Variants in ZRANB3 observed in about 807,000 individuals in gnomAD.
ZRANB3 encodes zinc finger RANBP2-type containing 3.
In ZRANB3, 125 loss-of-function variants were observed where a neutral mutation model predicts 133.8. That is an observed-to-expected ratio of 0.93 (90% confidence interval 0.81 to 1.08). ZRANB3 has a LOEUF of 1.08. Ranked by LOEUF, ZRANB3 falls within the 50% of genes least tolerant of loss-of-function variation. The probability of loss-of-function intolerance (pLI) is 0.00; values close to 1 mark genes in which losing one functional copy is unlikely to be tolerated. For synonymous variants in ZRANB3, 387 were observed against 432.7 expected, an observed-to-expected ratio of 0.89 and a Z score of 1.31; for missense variants, 1,229 against 1,275.5, an observed-to-expected ratio of 0.96 and a Z score of 0.56.
chr2:135,498,759 G>T (rs1267537264), intron 2 of ZRANB3, among the ~76,000 whole-genome samples: 1 of 152,112 alleles, frequency 6.6e-6, no homozygotes, highest in Non-Finnish European at 1.5e-5. Context: ...TGGCCGCTTT[G>T]GGAACATCTA....
At chr2:135,488,284 C>T (rs898506398) in intron 2 of ZRANB3, among the ~76,000 whole-genome samples, 6 of 151,900 alleles carry the variant, frequency 3.9e-5, no homozygotes, top group East Asian at 1.9e-4. Flanking sequence ...ATCACCATAA[C>T]GGATAATGAA....
intron 7 of ZRANB3, among the ~76,000 whole-genome samples, chr2:135,314,752 C>T (rs1406071635): frequency 2.3e-4 from 33 of 143,650 alleles, no homozygotes; most frequent in African/African-American, 8.4e-4. Context: ...ATTTAGAATT[C>T]TTTTTTTTTT....
At chr2:135,510,199 A>C (rs1693386035) in intron 1 of ZRANB3, among the ~76,000 whole-genome samples, 2 of 152,206 alleles carry the variant, frequency 1.3e-5, no homozygotes, top group Admixed American at 1.3e-4. Context: ...AAATGTCAGT[A>C]ATACGCAAGA....
At chr2:135,500,705 A>G (rs1692898046) in intron 2 of ZRANB3, among the ~76,000 whole-genome samples, 1 of 151,278 alleles carries the variant, frequency 6.6e-6, no homozygotes, top group Non-Finnish European at 1.5e-5. Flanking sequence ...AAATTCTTCA[A>G]GCTATACATT....
chr2:135,371,917 T>A (rs917823394), intron 3 of ZRANB3, among the ~76,000 whole-genome samples: 2 of 152,162 alleles, frequency 1.3e-5, no homozygotes, highest in Admixed American at 1.3e-4. Flanking sequence ...GGCTCACACC[T>A]GTAATTCTAA....
chr2:135,258,944 C>T (rs4954231), intron 12 of ZRANB3, among the ~76,000 whole-genome samples: 29,318 of 152,156 alleles, frequency 0.19, 3,797 homozygotes, highest in African/African-American at 0.34. Context: ...ACATTTTTAA[C>T]TTGCACTTTT....
chr2:135,429,169 T>C (rs1558993777), intron 2 of ZRANB3, among the ~76,000 whole-genome samples: 1 of 151,888 alleles, frequency 6.6e-6, no homozygotes, highest in Admixed American at 6.6e-5. Flanking sequence ...ATAAAGAAAA[T>C]GTGGTACATA....
At chr2:135,214,059 G>A (rs1181789677) in intron 17 of ZRANB3, among the ~76,000 whole-genome samples, 1 of 152,168 alleles carries the variant, frequency 6.6e-6, no homozygotes, top group Non-Finnish European at 1.5e-5. Flanking sequence ...TGAGCTTGGA[G>A]GTGAATTCCT....
At chr2:135,417,558 C>T (rs139017738) in intron 2 of ZRANB3, among the ~76,000 whole-genome samples, 10,490 of 152,170 alleles carry the variant, frequency 0.069, 758 homozygotes, top group African/African-American at 0.19. Flanking sequence ...GGTGGCGATT[C>T]CTCAGGGATC....
chr2:135,217,778 A>G (rs1204087144), intron 16 of ZRANB3, among the ~76,000 whole-genome samples, 171 bp from the exon 17 acceptor site: 1 of 152,120 alleles, frequency 6.6e-6, no homozygotes, highest in Non-Finnish European at 1.5e-5. Context: ...TCATATCTTT[A>G]TTGTAAACTA....
intron 12 of ZRANB3, among the ~76,000 whole-genome samples, chr2:135,239,108 A>T (rs1215417017): frequency 6.6e-6 from 1 of 152,228 alleles, no homozygotes; most frequent in Non-Finnish European, 1.5e-5. Context: ...GACCCTGTAG[A>T]TAATGATAGC....
intron 3 of ZRANB3, among the ~76,000 whole-genome samples, chr2:135,370,176 T>C (rs1040143019): frequency 7.2e-5 from 11 of 152,010 alleles, no homozygotes; most frequent in Non-Finnish European, 1.5e-4. Flanking sequence ...AATCTTTTTT[T>C]TTTTAACTTT....
intron 1 of ZRANB3, among the ~76,000 whole-genome samples, chr2:135,519,420 A>G (rs1693831322): frequency 6.6e-6 from 1 of 152,150 alleles, no homozygotes; most frequent in South Asian, 2.1e-4. Context: ...CAGCAGCAGA[A>G]AGATCACTTG....
At chr2:135,420,201 G>A (rs1253323336) in intron 2 of ZRANB3, among the ~76,000 whole-genome samples, 4 of 148,864 alleles carry the variant, frequency 2.7e-5, no homozygotes, top group African/African-American at 9.8e-5. Context: ...AGTATCTGGG[G>A]CACTCCTGAG....
At chr2:135,360,284 G>C (rs951668911) in intron 3 of ZRANB3, among the ~76,000 whole-genome samples, 1 of 152,162 alleles carries the variant, frequency 6.6e-6, no homozygotes, top group South Asian at 2.1e-4. Flanking sequence ...GGGAGGCTGA[G>C]GCAGGAGAAT....
chr2:135,293,076 G>C (rs1471498208), intron 8 of ZRANB3, among the ~76,000 whole-genome samples: 1 of 151,978 alleles, frequency 6.6e-6, no homozygotes, highest in Non-Finnish European at 1.5e-5. Flanking sequence ...TTGGCAATGT[G>C]GGTTCTTTTT....
intron 3 of ZRANB3, among the ~76,000 whole-genome samples, chr2:135,359,710 GGACT>G (rs1474665157): frequency 6.6e-6 from 1 of 152,150 alleles, no homozygotes. Context: ...TATGGTATTA[GGACT>G]GACACTGACA....
chr2:135,335,224 G>A (rs528905171), intron 6 of ZRANB3, among the ~76,000 whole-genome samples: 3 of 151,886 alleles, frequency 2.0e-5, no homozygotes, highest in African/African-American at 7.2e-5. Context: ...AGGTGGAAAT[G>A]GTACAAAATA....
intron 4 of ZRANB3, 72 bp from the exon 5 acceptor site, chr2:135,350,287 G>A: frequency 8.9e-7 from 1 of 1,120,964 alleles, no homozygotes. Flanking sequence ...CAACTCTCTT[G>A]GGAAAAAATA....
Sources: allele counts gnomAD v4.1 joint callset (sites outside exome capture counted in the v4.1 genomes callset), GRCh38; gene constraint gnomAD v4.1.1; transcripts MANE v1.5; gene names NCBI Gene and HGNC (gene_info 2026-07-23, HGNC 2026-07-21).